PCDHGA3: variants seen among roughly 807,000 people sequenced by gnomAD.
PCDHGA3 encodes the protein protocadherin gamma-A3.
A neutral mutation model predicts 58.5 loss-of-function variants in PCDHGA3; 40 were observed. The observed-to-expected ratio is 0.68, with a 90% confidence interval of 0.53 to 0.89. The LOEUF (loss-of-function observed/expected upper bound fraction) is 0.89. Ranked by LOEUF, PCDHGA3 falls within the 40% of genes least tolerant of loss-of-function variation. The pLI is 0.00. For synonymous variants in PCDHGA3, 530 were observed against 525.7 expected (o/e 1.01, Z -0.11); for missense variants, 1,223 against 1,195.9 (o/e 1.02, Z -0.33).
chr5:141,460,026 C>T (rs565259315), intron 1 of PCDHGA3, among the ~76,000 whole-genome samples: 36 of 152,090 alleles, frequency 2.4e-4, no homozygotes, highest in Non-Finnish European at 3.2e-4. Flanking sequence ...TGCAGTGAGC[C>T]GAGACTGCAC....
intron 1 of PCDHGA3, chr5:141,370,906 A>C (rs918888643): frequency 9.3e-6 from 15 of 1,613,840 alleles, no homozygotes; most frequent in Non-Finnish European, 1.3e-5. Context: ...CAGCAGTACT[A>C]CCTCAGCCCT....
intron 2 of PCDHGA3, among the ~76,000 whole-genome samples, chr5:141,496,207 T>C (rs973745475): frequency 6.6e-6 from 1 of 152,134 alleles, no homozygotes; most frequent in Non-Finnish European, 1.5e-5. Flanking sequence ...CAATCTGGTA[T>C]GAATTCCTGC....
Position 141,376,694 on chromosome 5 carries a change from T to A in PCDHGA3, c.2424+30237T>A, listed in dbSNP as rs77365062. On this transcript the variant is annotated intron_variant, in intron 1 of 3. Coordinates refer to ENST00000253812, the MANE Select transcript of PCDHGA3 (RefSeq NM_018916.4). Reference sequence around the variant, plus strand: ...GGGTATCGTTTTTTTTTTTTTTTTTTTTTGAGACGGAGTCTCGCTCTGTCG... The same window carrying A: ...GGGTATCGTTTTTTTTTTTTTTTTTATTTGAGACGGAGTCTCGCTCTGTCG... The A allele has an allele frequency of 5.1e-6, 4 of 779,702 alleles. 1 individual carries two copies. The highest frequency in any genetic ancestry group is 3.9e-6 in the Non-Finnish European group (2 of 515,410). 48.3% of individuals were successfully genotyped at this position (779,702 alleles called of 1,614,324 possible).
intron 1 of PCDHGA3, chr5:141,391,586 AAT>A (rs1412247634): frequency 6.6e-6 from 1 of 152,234 alleles, no homozygotes; most frequent in Non-Finnish European, 1.5e-5. Flanking sequence ...TTCACAGGAA[AAT>A]ATAAAGTTTT....
chr5:141,350,807 C>A (rs541672672), intron 1 of PCDHGA3: 1 of 1,613,974 alleles, frequency 6.2e-7, no homozygotes, highest in South Asian at 1.1e-5. Flanking sequence ...GAAGGAAAGT[C>A]CTGATGGAAG....
At chr5:141,408,914 A>C in intron 1 of PCDHGA3, 1 of 1,613,446 alleles carries the variant, frequency 6.2e-7, no homozygotes, top group Non-Finnish European at 8.5e-7. Context: ...TACCAATGAT[A>C]ACCCCCCGGT....
intron 1 of PCDHGA3, among the ~76,000 whole-genome samples, chr5:141,369,423 T>C (rs1766238907): frequency 6.6e-6 from 1 of 152,130 alleles, no homozygotes; most frequent in African/African-American, 2.4e-5. Context: ...TCCCAGCAAT[T>C]TGGGACGCTG....
At chr5:141,506,164 G>A (rs959032250) in intron 3 of PCDHGA3, among the ~76,000 whole-genome samples, 17 of 152,140 alleles carry the variant, frequency 1.1e-4, no homozygotes, top group Non-Finnish European at 2.4e-4. Context: ...TAAGAGCACA[G>A]CCTAAGCTGG....
rs2099749948 is a variant in PCDHGA3 at position 141,493,762 on chromosome 5, C to T, written c.2425-1045C>T. Among the ~76,000 whole-genome samples the T allele has an allele frequency of 1.3e-5, 2 of 152,130 alleles. No homozygotes were observed. Among genetic ancestry groups the T allele is most frequent in the South Asian group, 4.1e-4 (2 of 4,830 alleles). Reference sequence around the variant, plus strand: ...TGCCACCTGTGAGCCTTGAGTGAGCCACTGGCAGTTCCGGAGCTTCCTTCT... The same window carrying T: ...TGCCACCTGTGAGCCTTGAGTGAGCTACTGGCAGTTCCGGAGCTTCCTTCT... On this transcript the variant is annotated intron_variant, in intron 1 of 3. Transcript: ENST00000253812. The surrounding 1 kb of genome is among the most constrained non-coding windows in gnomAD (Gnocchi z 4.3).
rs763303627 is a variant in PCDHGA3 at position 141,489,719 on chromosome 5, C to T, written c.2425-5088C>T. The T allele has an allele frequency of 1.4e-5, 22 of 1,613,946 alleles. No homozygotes were observed. The highest frequency in any genetic ancestry group is 9.3e-5 in the African/African-American group (7 of 74,924). On this transcript the variant is annotated intron_variant, in intron 1 of 3. Coordinates refer to ENST00000253812, the MANE Select transcript of PCDHGA3 (RefSeq NM_018916.4). The surrounding 1 kb of genome is among the most constrained non-coding windows in gnomAD (Gnocchi z 4.5). ...TTCCCACTGGACAGTGCCCAGGATCCGGATGTGGGCACCAATACTGTGAGC... is the reference window on the plus strand; with the variant it reads ...TTCCCACTGGACAGTGCCCAGGATCTGGATGTGGGCACCAATACTGTGAGC...
At chr5:141,365,754 C>G in intron 1 of PCDHGA3, 1 of 1,613,850 alleles carries the variant, frequency 6.2e-7, no homozygotes. Context: ...TTCTCTGTGA[C>G]AGCCCATGAC....
intron 1 of PCDHGA3, chr5:141,350,695 C>T: frequency 6.2e-7 from 1 of 1,613,934 alleles, no homozygotes; most frequent in South Asian, 1.1e-5. Context: ...CAGCCTTACC[C>T]GGGGTAAAAT....
Position 141,432,097 on chromosome 5 carries a change from C to A in PCDHGA3, c.2425-62710C>A. The A allele has an allele frequency of 1.9e-6, 3 of 1,614,184 alleles. No individual in the cohort carries two copies. Among genetic ancestry groups the A allele is most frequent in the Non-Finnish European group, 1.7e-6 (2 of 1,180,034 alleles). On this transcript the variant is annotated intron_variant, in intron 1 of 3. Transcript: ENST00000253812. This position sits in a 1 kb window ranked among gnomAD's most constrained non-coding sequence, Gnocchi z 6.0. ...TCTCGCTGAACGTGGCAGACACCAA[C>A]GACAACCCGCCGGTCTTCCCTCAGG...
chr5:141,344,969 C>T lies in PCDHGA3; in HGVS notation c.936C>T (p.Ala312=). The T allele has an allele frequency of 6.2e-7, 1 of 1,613,690 alleles. No homozygotes were observed. Among genetic ancestry groups the T allele is most frequent in the East Asian group, 2.2e-5 (1 of 44,886 alleles). ...TAAAAAGTCTAGATTATGAGGATGC[C>T]ATGTTCTATGAAATTAAAATTGAAG... ...SILKSLDYED[A]MFYEIKIEAQ... is the part of the protein sequence containing the mutation. The change falls in exon 1 of 4, where the codon GCC becomes GCT. Residue 312 remains alanine (A), a synonymous_variant. Transcript: ENST00000253812.
rs542553570 is a variant in PCDHGA3 at position 141,372,192 on chromosome 5, T to C, written c.2424+25735T>C. On this transcript the variant is annotated intron_variant, in intron 1 of 3. Coordinates refer to ENST00000253812, the MANE Select transcript of PCDHGA3 (RefSeq NM_018916.4). The stretch of plus-strand genomic sequence containing the variant: ...GGTGGCGGTGGACGCAGACTCGGGA[T>C]ACAACGCCTGGCTGTCCTACCACAT... 6.2e-6 allele frequency: 10 copies of C among 1,613,546 alleles called. No homozygotes were observed. Among genetic ancestry groups the C allele is most frequent in the Middle Eastern group, 1.7e-4 (1 of 6,028 alleles).
chr5:141,369,855 C>T (rs904166115), intron 1 of PCDHGA3, among the ~76,000 whole-genome samples: 4 of 152,098 alleles, frequency 2.6e-5, no homozygotes, highest in African/African-American at 7.2e-5. Context: ...TTTTATTTGG[C>T]CCTCATTTCT....
rs761264372 is a variant in PCDHGA3 at position 141,489,500 on chromosome 5, A to G, written c.2425-5307A>G. 12 of 1,614,112 alleles carry G rather than the reference A, an allele frequency of 7.4e-6. No individual in the cohort carries two copies. In the South Asian group the frequency reaches 1.3e-4, roughly 18 times the overall value. On this transcript the variant is annotated intron_variant, in intron 1 of 3. Coordinates refer to ENST00000253812, the MANE Select transcript of PCDHGA3 (RefSeq NM_018916.4). This position sits in a 1 kb window ranked among gnomAD's most constrained non-coding sequence, Gnocchi z 4.5. ...TTGATGAGTGGTGCCCTGGCAGTGA[A>G]TCAAAAGATTGACCGAGAAAGCCTA...
chr5:141,435,454 T>C (rs1407615505), intron 1 of PCDHGA3, among the ~76,000 whole-genome samples: 1 of 152,220 alleles, frequency 6.6e-6, no homozygotes, highest in Non-Finnish European at 1.5e-5. Flanking sequence ...ACGATATCTG[T>C]ATGTGTTTCC....
intron 1 of PCDHGA3, chr5:141,361,291 G>A: frequency 6.2e-7 from 1 of 1,614,040 alleles, no homozygotes; most frequent in Non-Finnish European, 8.5e-7. Flanking sequence ...TTACTGCCAA[G>A]TGTTGGGAAA....
Sources: gnomAD v4.1 joint callset for allele counts (sites outside exome capture counted in the v4.1 genomes callset) on GRCh38, gnomAD v4.1.1 for gene constraint, Gnocchi (gnomAD v3.1) non-coding constraint, MANE v1.5 for transcripts, NCBI Gene and HGNC (gene_info 2026-07-23, HGNC 2026-07-21) for gene names.